Variants in EPHA1 observed in about 807,000 individuals in gnomAD.
EPHA1 encodes the protein ephrin type-A receptor 1.
A neutral mutation model predicts 110.1 loss-of-function variants in EPHA1; 92 were observed. The observed-to-expected ratio is 0.84, with a 90% CI of 0.71 to 0.99. The LOEUF (loss-of-function observed/expected upper bound fraction) is 0.99. Ranked by LOEUF, EPHA1 falls within the 50% of genes least tolerant of loss-of-function variation. The pLI is 0.00. For missense variants in EPHA1, 1,204 were observed against 1,285.4 expected (o/e 0.94, Z 0.97); for synonymous variants, 500 against 516.1 (o/e 0.97, Z 0.42).
chr7:143,401,078 A>C lies in EPHA1; in HGVS notation c.432+246T>G. 1 of 548,672 alleles carries C rather than the reference A, an allele frequency of 1.8e-6. No individual in the cohort carries two copies. The highest frequency in any genetic ancestry group is 3.2e-6 in the Non-Finnish European group (1 of 310,662). The allele number at this position is 548,672 out of a possible 1,614,324, so 34.0% of individuals were successfully genotyped here. On this transcript the variant is annotated intron_variant, in intron 3 of 17. Transcript: ENST00000275815. This position sits in a 1 kb window ranked among gnomAD's most constrained non-coding sequence, Gnocchi z 4.1. ...CCAGGTGATTTTTAATTTTTTGCAG[A>C]GATGAAGTTTTGCTATGTTGCCCAG...
Position 143,399,914 on chromosome 7 carries a change from C to T in EPHA1, c.572G>A (p.Cys191Tyr), listed in dbSNP as rs1423610614. The T allele has an allele frequency of 6.2e-7, 1 of 1,612,862 alleles. No homozygotes were observed. Among genetic ancestry groups the T allele is most frequent in the African/African-American group, 1.3e-5 (1 of 74,910 alleles). Residue 191 changes from cysteine to tyrosine, a missense_variant, in exon 4 of 18, where the codon TGT (cysteine) becomes TAT (tyrosine). Coordinates refer to ENST00000275815, the MANE Select transcript of EPHA1 (RefSeq NM_005232.5). ...LYLAFHNPGA[C>Y]VALVSVRVFY... is the part of the protein sequence containing the mutation. ...GACCCGGACAGACACCAGGGCCACA[C>T]AGGCACCCGGGTTGTGGAAAGCGAG...
rs757044000 is a variant in EPHA1, at chr7:143,395,547, G to C, written c.1898-43C>G. 3.7e-6 allele frequency: 6 copies of C among 1,600,422 alleles called. No homozygotes were observed. The highest frequency in any genetic ancestry group is 5.1e-6 in the Non-Finnish European group (6 of 1,171,552). ...AGGCTGTGGCCCGATGCACTGCAGG[G>C]CTCCTCCAGGGGACAGGCAGCAACC... On this transcript the variant is annotated intron_variant, in intron 11 of 17. Coordinates refer to ENST00000275815, the MANE Select transcript of EPHA1 (RefSeq NM_005232.5). This position sits in a 1 kb window ranked among gnomAD's most constrained non-coding sequence, Gnocchi z 4.7.
At chr7:143,402,961 C>T (rs552919898) in intron 2 of EPHA1, among the ~76,000 whole-genome samples, 1 of 152,352 alleles carries the variant, frequency 6.6e-6, no homozygotes, top group Admixed American at 6.5e-5. Context: ...CAAAACTTTC[C>T]AGACCATTTT....
chr7:143,405,182 C>G (rs1308225907), intron 2 of EPHA1, among the ~76,000 whole-genome samples: 2 of 152,002 alleles, frequency 1.3e-5, no homozygotes, highest in Non-Finnish European at 2.9e-5. Flanking sequence ...GTGGAAGGCA[C>G]TGGCGGGGGT....
chr7:143,404,991 A>AG (rs398111975), intron 2 of EPHA1, among the ~76,000 whole-genome samples: 2 of 150,928 alleles, frequency 1.3e-5, no homozygotes, highest in Non-Finnish European at 3.0e-5. Context: ...AAAAAAAAAA[A>AG]TCATTAATCA....
At position 143,398,697 on chromosome 7, in the gene EPHA1, T is replaced by C. The variant is rs2116624872; in HGVS notation, c.1240A>G (p.Asn414Asp). 1 of 1,614,092 alleles carries C rather than the reference T, an allele frequency of 6.2e-7. No homozygotes were observed. The highest frequency in any genetic ancestry group is 8.5e-7 in the Non-Finnish European group (1 of 1,179,988). Residue 414 changes from asparagine (N) to aspartate (D), a missense_variant, in exon 6 of 18, where the codon AAC becomes GAC. Asn to Asp is a conservative substitution (Grantham distance 23). Transcript: ENST00000275815. Reference protein sequence around the residue: ...VHVNGLEPYANYTFNVEAQNG... With the variant: ...VHVNGLEPYADYTFNVEAQNG... The stretch of plus-strand genomic sequence containing the variant: ...TGGGCTTCCACATTAAAGGTGTAGT[T>C]GGCATAAGGTTCAAGGCCATTGACA...
chr7:143,397,236 C>A, intron 10 of EPHA1, 68 bp downstream of exon 10: 1 of 1,167,588 alleles, frequency 8.6e-7, no homozygotes, highest in Non-Finnish European at 1.2e-6. Flanking sequence ...CATCTCCCAA[C>A]ACACACACAC....
rs866192433 is a variant in EPHA1, at chr7:143,397,316, C to T, written c.1759G>A (p.Asp587Asn). ...GCACCCGACTCACCTCGATCCACAT[C>T]GGTGGCGCGGTCACGCTGCCTCTGC... ...RQQRQRDRAT[D>N]VDREDKLWLK... Residue 587 changes from aspartate (D) to asparagine (N), a missense_variant, in exon 10 of 18, where the codon GAT becomes AAT. Coordinates refer to ENST00000275815, the MANE Select transcript of EPHA1 (RefSeq NM_005232.5). 31 of 1,549,558 alleles carry T rather than the reference C, an allele frequency of 2.0e-5. No individual in the cohort carries two copies. The highest frequency in any genetic ancestry group is 2.7e-5 in the African/African-American group (2 of 73,046).
chr7:143,391,639 C>A lies in EPHA1; in HGVS notation c.2833G>T (p.Val945Leu), dbSNP rs146015036. 2 of 1,614,180 alleles carry A rather than the reference C, an allele frequency of 1.2e-6. No individual in the cohort carries two copies. The highest frequency in any genetic ancestry group is 2.2e-5 in the South Asian group (2 of 91,082). Reference protein sequence around the residue: ...HSAGLDTMECVLELTAEDLTQ... With the variant: ...HSAGLDTMECLLELTAEDLTQ... ...CCTTACTCAGCGGTCAGCTCCAGCACACACTCCATGGTGTCCAGCCCAGCC... is the reference window on the plus strand; with the variant it reads ...CCTTACTCAGCGGTCAGCTCCAGCAAACACTCCATGGTGTCCAGCCCAGCC... The change falls in exon 17 of 18, where the codon GTG becomes TTG. Residue 945 changes from valine (V) to leucine (L), a missense_variant. Transcript: ENST00000275815.
At position 143,391,148 on chromosome 7, in the gene EPHA1, C is replaced by G. The variant is rs956687483; in HGVS notation, c.*309G>C. 2.6e-6 allele frequency: 1 copy of G among 385,272 alleles called. No individual in the cohort carries two copies. Among genetic ancestry groups the G allele is most frequent in the Non-Finnish European group, 4.7e-6 (1 of 211,800 alleles). The allele number at this position is 385,272 out of a possible 1,614,324, so 23.9% of individuals were successfully genotyped here. On this transcript the variant is annotated 3_prime_UTR_variant, in exon 18 of 18. Coordinates refer to ENST00000275815, the MANE Select transcript of EPHA1 (RefSeq NM_005232.5). ...CAGCTCTTTTGTAGTGCCTGCAGCC[C>G]TCATGGGTGGGATGGAGGCAGAAAA...
chr7:143,392,682 G>T (rs993745110), intron 16 of EPHA1, among the ~76,000 whole-genome samples: 2 of 152,142 alleles, frequency 1.3e-5, no homozygotes, highest in East Asian at 3.9e-4. Flanking sequence ...GGTGGCCCAC[G>T]CCTGTAATCC....
At chr7:143,392,158 G>A (rs145093150) in intron 16 of EPHA1, among the ~76,000 whole-genome samples, 1 of 152,326 alleles carries the variant, frequency 6.6e-6, no homozygotes, top group African/African-American at 2.4e-5. Context: ...CCTGGCACCT[G>A]GGCGTGGTCC....
Position 143,408,704 on chromosome 7 carries a change from G to A in EPHA1, c.82+20C>T, listed in dbSNP as rs1459853945. On this transcript the variant is annotated intron_variant, in intron 1 of 17. Transcript: ENST00000275815. Reference sequence around the variant, plus strand: ...GGGGCGGGGCGCGGGGGTTGGGGGCGCGGGGGCGGGGGTCGGTACCTTCCT... The same window carrying A: ...GGGGCGGGGCGCGGGGGTTGGGGGCACGGGGGCGGGGGTCGGTACCTTCCT... 1 of 582,670 alleles carries A rather than the reference G, an allele frequency of 1.7e-6. No homozygotes were observed. The allele number at this position is 582,670 out of a possible 1,614,324, so 36.1% of individuals were successfully genotyped here.
At chr7:143,398,478 T>C (rs751805126) in intron 6 of EPHA1, 30 bp from the exon 7 acceptor site, 15 of 1,613,374 alleles carry the variant, frequency 9.3e-6, no homozygotes, top group Admixed American at 8.4e-5. Flanking sequence ...AGGTTGGATA[T>C]GTAAGGAAAA....
chr7:143,407,466 C>G, intron 2 of EPHA1, 145 bp downstream of exon 2: 1 of 680,502 alleles, frequency 1.5e-6, no homozygotes, highest in Non-Finnish European at 2.5e-6. Context: ...ATTGAGGAGG[C>G]TCTGACTCAG....
Position 143,397,641 on chromosome 7 carries a change from A to G in EPHA1, c.1632T>C (p.Thr544=). 1.9e-6 allele frequency: 3 copies of G among 1,614,190 alleles called. No individual in the cohort carries two copies. In the East Asian group the frequency reaches 6.7e-5, roughly 36 times the overall value. The change falls in exon 9 of 18, where the codon ACT becomes ACC. Residue 544 remains threonine (T), a synonymous_variant. Coordinates refer to ENST00000275815, the MANE Select transcript of EPHA1 (RefSeq NM_005232.5). ...AGATGACGGCTACAATCTCTCCTCCAGTCAGGCCCCTGGACACTGTAGGCA... is the reference window on the plus strand; with the variant it reads ...AGATGACGGCTACAATCTCTCCTCCGGTCAGGCCCCTGGACACTGTAGGCA... ...RTSPPVSRGL[T]GGEIVAVIFG...
At chr7:143,391,956 C>T (rs971776627) in intron 16 of EPHA1, among the ~76,000 whole-genome samples, 181 bp from the exon 17 acceptor site, 11 of 152,182 alleles carry the variant, frequency 7.2e-5, no homozygotes, top group African/African-American at 2.7e-4. Context: ...GGTGTGCTCA[C>T]AACAGTGGAC....
At chr7:143,394,558 C>G (rs1348999044) in intron 14 of EPHA1, among the ~76,000 whole-genome samples, 2 of 152,062 alleles carry the variant, frequency 1.3e-5, no homozygotes, top group African/African-American at 4.8e-5. Context: ...GTAGCTGGGA[C>G]TACAGGCGCC....
intron 5 of EPHA1, 30 bp downstream of exon 5, chr7:143,399,228 A>G: frequency 6.3e-7 from 1 of 1,597,134 alleles, no homozygotes; most frequent in Non-Finnish European, 8.5e-7. Flanking sequence ...CCCTCCCTCC[A>G]GATGGCCACG....
Sources: gnomAD v4.1 joint callset for allele counts (sites outside exome capture counted in the v4.1 genomes callset) on GRCh38, gnomAD v4.1.1 for gene constraint, Gnocchi (gnomAD v3.1) non-coding constraint, MANE v1.5 for transcripts, NCBI Gene and HGNC (gene_info 2026-07-23, HGNC 2026-07-21) for gene names.